The following INVS variants were observed in gnomAD, a reference collection of about 807,000 sequenced individuals.
INVS encodes the protein inversin.
A neutral mutation model predicts 108.8 loss-of-function variants in INVS; 86 were observed. That is an observed-to-expected ratio of 0.79 (90% CI 0.66 to 0.95). The LOEUF (loss-of-function observed/expected upper bound fraction) is 0.95. Ranked by LOEUF, INVS falls within the 40% of genes least tolerant of loss-of-function variation. INVS has a pLI of 0.00. For missense variants in INVS, 1,169 were observed against 1,297.4 expected, an observed-to-expected ratio of 0.90 and a Z score of 1.52; for synonymous variants, 455 against 473.5, an observed-to-expected ratio of 0.96 and a Z score of 0.51.
intron 10 of INVS, among the ~76,000 whole-genome samples, chr9:100,262,638 TAAA>T (rs58650063): frequency 0.32 from 36,827 of 116,464 alleles, 5,741 homozygotes; most frequent in Non-Finnish European, 0.38. Context: ...CCTGGAGCAC[TAAA>T]AAAAAAAAAA....
At chr9:100,161,225 A>G (rs555344220) in intron 3 of INVS, among the ~76,000 whole-genome samples, 1 of 151,632 alleles carries the variant, frequency 6.6e-6, no homozygotes, top group African/African-American at 2.4e-5. Flanking sequence ...AAAATACAAA[A>G]ATTAGCTGGG....
intron 12 of INVS, among the ~76,000 whole-genome samples, chr9:100,279,703 T>A (rs1290078591): frequency 6.6e-6 from 1 of 152,212 alleles, no homozygotes; most frequent in East Asian, 1.9e-4. Context: ...CTAACTAGAC[T>A]TCTCTTTTCT....
intron 3 of INVS, among the ~76,000 whole-genome samples, chr9:100,210,900 C>A (rs1830810817): frequency 6.6e-6 from 1 of 151,862 alleles, no homozygotes; most frequent in African/African-American, 2.4e-5. Context: ...AGGATGGGAA[C>A]AGACTTTTTT....
At chr9:100,129,566 C>T (rs1827994158) in intron 3 of INVS, 11 of 502,148 alleles carry the variant, frequency 2.2e-5, no homozygotes, top group Non-Finnish European at 4.1e-5. Context: ...ACCAACAAGA[C>T]ACTTTCATAA....
At chr9:100,200,515 T>G (rs2118227085) in intron 3 of INVS, among the ~76,000 whole-genome samples, 1 of 152,356 alleles carries the variant, frequency 6.6e-6, no homozygotes, top group South Asian at 2.1e-4. Flanking sequence ...TCTAGTTGAA[T>G]CTATTAGACC....
chr9:100,225,750 CA>C lies in INVS; in HGVS notation c.274-304del, dbSNP rs529005124. On this transcript the variant is annotated intron_variant, in intron 3 of 16. Transcript: ENST00000262457. ...AAGATGTACAGTGAAGCATTTACTA[CA>C]AAAAAAATATTAGAAACATTCTAGA... 0.013 allele frequency among the ~76,000 whole-genome samples: 1,895 copies of C among 142,708 alleles called. 30 individuals carry two copies. Among genetic ancestry groups the C allele is most frequent in the African/African-American group, 0.052 (1,787 of 34,478 alleles). The allele number at this position is 142,708 out of a possible 152,430, so 93.6% of individuals were successfully genotyped here.
At chr9:100,145,403 A>G (rs919854798) in intron 3 of INVS, among the ~76,000 whole-genome samples, 3 of 151,418 alleles carry the variant, frequency 2.0e-5, no homozygotes, top group African/African-American at 7.3e-5. Context: ...ATAAGAAGTC[A>G]GGGCATGGAA....
chr9:100,244,918 G>A (rs1051686329), intron 7 of INVS, among the ~76,000 whole-genome samples: 1 of 152,162 alleles, frequency 6.6e-6, no homozygotes, highest in African/African-American at 2.4e-5. Context: ...TGGAAGGAGT[G>A]CTGTGATTTA....
chr9:100,160,998 A>G (rs773377488), intron 3 of INVS, among the ~76,000 whole-genome samples: 5 of 150,752 alleles, frequency 3.3e-5, no homozygotes, highest in Non-Finnish European at 7.4e-5. Context: ...CTTGTTTGTC[A>G]ATCATCCCAC....
chr9:100,106,941 A>G (rs1372898749), intron 2 of INVS, among the ~76,000 whole-genome samples: 3 of 142,742 alleles, frequency 2.1e-5, no homozygotes, highest in Non-Finnish European at 4.5e-5. Flanking sequence ...ACGGTGCTCA[A>G]TTGTTGAAAA....
In INVS at chr9:100,262,262, TC is replaced by T. The variant is rs1564181508; in HGVS notation, c.1465-2557del. ...TCAAAAAAAAAAAGTTAGAAAATAG[TC>T]CCTTGTTTTTATTCTCTTGGAGAAT... On this transcript the variant is annotated intron_variant, in intron 10 of 16. Transcript: ENST00000262457. Among the ~76,000 whole-genome samples the T allele has an allele frequency of 3.3e-5, 5 of 152,084 alleles. No homozygotes were observed. The South Asian group carries it at 1.0e-3, about 32-fold the overall frequency.
intron 3 of INVS, among the ~76,000 whole-genome samples, chr9:100,144,698 T>A (rs1828545933): frequency 6.6e-6 from 1 of 151,716 alleles, no homozygotes; most frequent in African/African-American, 2.4e-5. Context: ...ATAGAAGGAT[T>A]ATAGGGTGGA....
chr9:100,235,178 G>A (rs751222419), intron 5 of INVS, among the ~76,000 whole-genome samples: 97 of 151,676 alleles, frequency 6.4e-4, no homozygotes, highest in Non-Finnish European at 5.9e-4. Flanking sequence ...CAGAGACTAG[G>A]ATTGCAACCC....
At chr9:100,270,748 CAAAAA>C (rs746291227) in intron 11 of INVS, among the ~76,000 whole-genome samples, 1 of 47,210 alleles carries the variant, frequency 2.1e-5, no homozygotes, top group Non-Finnish European at 4.0e-5. Flanking sequence ...AACTCCATCT[CAAAAA>C]AAAAAAAAAA....
At chr9:100,109,965 C>A (rs182575304) in intron 2 of INVS, among the ~76,000 whole-genome samples, 1 of 152,358 alleles carries the variant, frequency 6.6e-6, no homozygotes, top group Non-Finnish European at 1.5e-5. Flanking sequence ...CTGCGCCCGG[C>A]CTCTACTTGT....
At chr9:100,134,835 A>G (rs936245455) in intron 3 of INVS, among the ~76,000 whole-genome samples, 1 of 152,226 alleles carries the variant, frequency 6.6e-6, no homozygotes, top group African/African-American at 2.4e-5. Context: ...CCTACAATGG[A>G]ACACTGCATG....
intron 3 of INVS, among the ~76,000 whole-genome samples, chr9:100,172,565 G>A (rs914917942): frequency 1.3e-5 from 2 of 152,270 alleles, no homozygotes; most frequent in African/African-American, 4.8e-5. Context: ...ACAGAAGCTT[G>A]GTACTGGTCT....
At chr9:100,176,694 T>C (rs1829722477) in intron 3 of INVS, among the ~76,000 whole-genome samples, 2 of 152,056 alleles carry the variant, frequency 1.3e-5, no homozygotes, top group South Asian at 4.1e-4. Context: ...GCCAGACTGG[T>C]CTTGAACTCC....
At chr9:100,190,841 T>A (rs1830197857) in intron 3 of INVS, among the ~76,000 whole-genome samples, 1 of 151,972 alleles carries the variant, frequency 6.6e-6, no homozygotes, top group South Asian at 2.1e-4. Context: ...ATTATATGCC[T>A]TGGTGATGTC....
Sources: gnomAD v4.1 joint callset for allele counts (sites outside exome capture counted in the v4.1 genomes callset) on GRCh38, gnomAD v4.1.1 for gene constraint, MANE v1.5 for transcripts, NCBI Gene and HGNC (gene_info 2026-07-23, HGNC 2026-07-21) for gene names.